TMED6: variants seen among roughly 807,000 people sequenced by gnomAD.
The protein encoded by TMED6 is transmembrane p24 trafficking protein 6.
Under a neutral mutation model 26.5 loss-of-function variants are expected in TMED6, and 17 were observed. The observed-to-expected ratio is 0.64, with a 90% CI of 0.44 to 0.96. The LOEUF (loss-of-function observed/expected upper bound fraction) is 0.96, where lower values mean the gene tolerates loss of function less well. TMED6 is among the 40% of genes least tolerant of loss of function. The probability of loss-of-function intolerance (pLI) is 0.00; values close to 1 mark genes in which losing one functional copy is unlikely to be tolerated. For missense variants in TMED6, 309 were observed against 296.5 expected, an observed-to-expected ratio of 1.04 and a Z score of -0.31; for synonymous variants, 107 against 106.2, an observed-to-expected ratio of 1.01 and a Z score of -0.04.
In TMED6 at chr16:69,343,430, CTG is replaced by C; in HGVS notation, c.698_699del (p.Thr233ArgfsTer10). 6.2e-7 allele frequency: 1 copy of C among 1,614,182 alleles called. No individual in the cohort carries two copies. Among genetic ancestry groups the C allele is most frequent in the Non-Finnish European group, 8.5e-7 (1 of 1,180,040 alleles). On this transcript the variant is annotated frameshift_variant, in exon 4 of 4. Transcript: ENST00000288025. LOFTEE classifies it high-confidence loss of function. The stretch of plus-strand genomic sequence containing the variant: ...GCTTAGCATCTTGGCTTCTTTGTAT[CTG>C]TAGTTGTTGGAACATTGAAGAGACG... Reference protein sequence around the residue: ...LKRLFNVPTTTDTKKPRC With the variant: ...LKRLFNVPTTXDTKKPRC
At chr16:69,346,944 G>C (rs1276303275) in intron 3 of TMED6, among the ~76,000 whole-genome samples, 1 of 152,086 alleles carries the variant, frequency 6.6e-6, no homozygotes, top group Non-Finnish European at 1.5e-5. Context: ...AAGCCGAGGT[G>C]GGAGGATTGC....
Position 69,343,515 on chromosome 16 carries a change from C to T in TMED6, c.615G>A (p.Ser205=), listed in dbSNP as rs150523802. The T allele has an allele frequency of 1.9e-5, 31 of 1,614,092 alleles. No individual in the cohort carries two copies. In the African/African-American group the frequency reaches 2.4e-4, roughly 12 times the overall value. ...GAATAATAACAAGGCTCTGGGCTGT[C>T]GACCACCAGTTCACGTAGTTATAGT... ...QSNYNYVNWW[S]TAQSLVIILS... Residue 205 remains serine, a synonymous_variant, in exon 4 of 4, where the codon TCG becomes TCA. Coordinates refer to ENST00000288025, the MANE Select transcript of TMED6 (RefSeq NM_144676.4).
In TMED6 at chr16:69,343,387, G is replaced by A. The variant is rs1192002886; in HGVS notation, c.*20C>T. 3.1e-6 allele frequency: 5 copies of A among 1,594,254 alleles called. No individual in the cohort carries two copies. The highest frequency in any genetic ancestry group is 3.4e-5 in the Admixed American group (2 of 58,576). On this transcript the variant is annotated 3_prime_UTR_variant, in exon 4 of 4. Coordinates refer to ENST00000288025, the MANE Select transcript of TMED6 (RefSeq NM_144676.4). ...CTAAGCCCCAGAAGAAAACAGCCAGGGTGCTATAGTCACCTTAGCTTAGCA... is the reference window on the plus strand; with the variant it reads ...CTAAGCCCCAGAAGAAAACAGCCAGAGTGCTATAGTCACCTTAGCTTAGCA...
In TMED6 at chr16:69,343,429, T is replaced by TAC. The variant is rs1218000930; in HGVS notation, c.700_701insGT (p.Asp234GlyfsTer12). ...AGCTTAGCATCTTGGCTTCTTTGTA[T>TAC]CTGTAGTTGTTGGAACATTGAAGAG... On this transcript the variant is annotated frameshift_variant, in exon 4 of 4. Coordinates refer to ENST00000288025, the MANE Select transcript of TMED6 (RefSeq NM_144676.4). LOFTEE classifies it high-confidence loss of function. The TAC allele has an allele frequency of 6.2e-7, 1 of 1,614,174 alleles. No individual in the cohort carries two copies. The highest frequency in any genetic ancestry group is 8.5e-7 in the Non-Finnish European group (1 of 1,180,016).
chr16:69,348,587 C>T (rs2012725765), intron 2 of TMED6, among the ~76,000 whole-genome samples: 1 of 150,346 alleles, frequency 6.7e-6, no homozygotes, highest in Non-Finnish European at 1.5e-5. Context: ...GATTGGAAGG[C>T]ACTACTGGCA....
chr16:69,343,709 G>C (rs2012629082), intron 3 of TMED6, 69 bp from the exon 4 acceptor site: 1 of 1,217,740 alleles, frequency 8.2e-7, no homozygotes. Flanking sequence ...GCGCTCACTA[G>C]CACTAACCTA....
At chr16:69,344,179 G>C (rs2012642285) in intron 3 of TMED6, among the ~76,000 whole-genome samples, 1 of 152,082 alleles carries the variant, frequency 6.6e-6, no homozygotes, top group Admixed American at 6.6e-5. Context: ...TCAAACTAGA[G>C]AGCTCTTCCA....
chr16:69,345,960 T>C (rs1426174862), intron 3 of TMED6, among the ~76,000 whole-genome samples: 1 of 152,158 alleles, frequency 6.6e-6, no homozygotes, highest in Non-Finnish European at 1.5e-5. Context: ...ATTACAGGTG[T>C]TGGGCCAACT....
rs1567438770 is a variant in TMED6 at position 69,351,681 on chromosome 16, C to T, written c.73G>A (p.Glu25Lys). The T allele has an allele frequency of 6.2e-7, 1 of 1,613,946 alleles. No homozygotes were observed. Among genetic ancestry groups the T allele is most frequent in the East Asian group, 2.2e-5 (1 of 44,882 alleles). The change falls in exon 1 of 4, where the codon GAA becomes AAA. Residue 25 changes from glutamate (E) to lysine (K), a missense_variant. By Grantham distance (56) the Glu-to-Lys change is moderately conservative. Coordinates refer to ENST00000288025, the MANE Select transcript of TMED6 (RefSeq NM_144676.4). ...TGGTCCCCAGAGCCACTTAGAGGTT[C>T]TGTCTTCTGGCTCCTGGCAGACGTC... ...LVTSARSQKT[E>K]PLSGSGDQPL...
chr16:69,347,875 G>C lies in TMED6; in HGVS notation c.402C>G (p.Leu134=), dbSNP rs779010419. The C allele has an allele frequency of 6.2e-7, 1 of 1,614,094 alleles. No individual in the cohort carries two copies. The highest frequency in any genetic ancestry group is 1.1e-5 in the South Asian group (1 of 91,086). ...HNHFGSVQVY[L]NFGVFYEGPE... ...GCCCCTCATAGAAGACCCCAAAGTTGAGGTACACTTGCACAGAACCGAAGT... is the reference window on the plus strand; with the variant it reads ...GCCCCTCATAGAAGACCCCAAAGTTCAGGTACACTTGCACAGAACCGAAGT... The change falls in exon 3 of 4, where the codon CTC becomes CTG. Residue 134 remains leucine (L), a synonymous_variant. Coordinates refer to ENST00000288025, the MANE Select transcript of TMED6 (RefSeq NM_144676.4).
At chr16:69,351,212 GTTTTAATATATTAAAAA>G (rs2012770683) in intron 1 of TMED6, among the ~76,000 whole-genome samples, 1 of 152,226 alleles carries the variant, frequency 6.6e-6, no homozygotes, top group South Asian at 2.1e-4. Flanking sequence ...ATCCAATTTT[GTTTTAATATATTAAAAA>G]TGTATTCTCT....
intron 1 of TMED6, among the ~76,000 whole-genome samples, chr16:69,349,862 G>A (rs1046076825): frequency 3.3e-5 from 5 of 152,128 alleles, no homozygotes; most frequent in African/African-American, 9.7e-5. Flanking sequence ...ATTGCTGAAC[G>A]TCTGCAATGT....
At chr16:69,345,942 G>C (rs532829968) in intron 3 of TMED6, among the ~76,000 whole-genome samples, 18 of 152,284 alleles carry the variant, frequency 1.2e-4, no homozygotes, top group African/African-American at 3.1e-4. Context: ...GCCTCACAAA[G>C]TGCTGGGATT....
Position 69,346,622 on chromosome 16 carries a change from G to A in TMED6, c.489+1166C>T, listed in dbSNP as rs1335426964. 3.3e-5 allele frequency among the ~76,000 whole-genome samples: 5 copies of A among 151,994 alleles called. No homozygotes were observed. The East Asian group carries it at 7.7e-4, about 23-fold the overall frequency. On this transcript the variant is annotated intron_variant, in intron 3 of 3. Coordinates refer to ENST00000288025, the MANE Select transcript of TMED6 (RefSeq NM_144676.4). ...CTACTAAAAATGCAAAAATTAGCCG[G>A]GCATGGTGAGAGGTGCCTGTAATCC... is the stretch of plus-strand genomic sequence containing the variant.
rs2012745296 is a variant in TMED6 at position 69,349,656 on chromosome 16, C to G, written c.214-5G>C. 1.2e-6 allele frequency: 2 copies of G among 1,612,260 alleles called. No individual in the cohort carries two copies. Among genetic ancestry groups the G allele is most frequent in the Admixed American group, 3.3e-5 (2 of 59,856 alleles). On this transcript the variant is annotated splice_region_variant and splice_polypyrimidine_tract_variant and intron_variant, in intron 1 of 3. Transcript: ENST00000288025. Reference sequence around the variant, plus strand: ...CATCCCCACTGTCCGCTGAACCTGCCAAGACACATTAAATAGGTAGCAGAA... The same window carrying G: ...CATCCCCACTGTCCGCTGAACCTGCGAAGACACATTAAATAGGTAGCAGAA...
chr16:69,351,139 C>T (rs78825860), intron 1 of TMED6, among the ~76,000 whole-genome samples: 247 of 152,242 alleles, frequency 1.6e-3, no homozygotes, highest in African/African-American at 5.7e-3. Flanking sequence ...ACCTTTACTC[C>T]CCCACCCCAT....
At chr16:69,347,531 T>C (rs751091020) in intron 3 of TMED6, among the ~76,000 whole-genome samples, 1 of 152,160 alleles carries the variant, frequency 6.6e-6, no homozygotes, top group Non-Finnish European at 1.5e-5. Context: ...AGCTAATTTT[T>C]GTATTTTTAG....
rs376126411 is a variant in TMED6 at position 69,349,615 on chromosome 16, C to A, written c.250G>T (p.Val84Phe). ...RTVGMSHDRH[V>F]AATAHNPQGF... The stretch of plus-strand genomic sequence containing the variant: ...TGTGGGTTATGTGCCGTGGCAGCAA[C>A]ATGCCGGTCATGTGACATCCCCACT... Residue 84 changes from valine (V) to phenylalanine (F), a missense_variant, in exon 2 of 4, where the codon GTT (valine) becomes TTT (phenylalanine). Physicochemically the swap from Val to Phe is conservative, Grantham distance 50. Coordinates refer to ENST00000288025, the MANE Select transcript of TMED6 (RefSeq NM_144676.4). The A allele has an allele frequency of 4.6e-5, 74 of 1,613,952 alleles. No individual in the cohort carries two copies. In the Admixed American group the frequency reaches 1.2e-3, roughly 27 times the overall value.
rs138935899 is a variant in TMED6 at position 69,347,853 on chromosome 16, C to T, written c.424G>A (p.Gly142Arg). 1 of 1,614,148 alleles carries T rather than the reference C, an allele frequency of 6.2e-7. No individual in the cohort carries two copies. The highest frequency in any genetic ancestry group is 1.3e-5 in the African/African-American group (1 of 75,036). The change falls in exon 3 of 4, where the codon GGG becomes AGG. Residue 142 changes from glycine to arginine, a missense_variant. Transcript: ENST00000288025. ...TTCTGTTTGTGATCAGTCTCAGGCC[C>T]CTCATAGAAGACCCCAAAGTTGAGG... ...VYLNFGVFYE[G>R]PETDHKQKER...
Sources: gnomAD v4.1 joint callset for allele counts (sites outside exome capture counted in the v4.1 genomes callset) on GRCh38, gnomAD v4.1.1 for gene constraint, MANE v1.5 for transcripts, NCBI Gene and HGNC (gene_info 2026-07-23, HGNC 2026-07-21) for gene names.